Variants in ENPP1 observed in about 807,000 individuals in gnomAD.
ENPP1 encodes ectonucleotide pyrophosphatase/phosphodiesterase 1.
Under a neutral mutation model 122.8 loss-of-function variants are expected in ENPP1, and 73 were observed. The observed-to-expected ratio is 0.59, with a 90% CI of 0.49 to 0.72. ENPP1 has a LOEUF of 0.72. ENPP1 is among the 30% of genes least tolerant of loss of function. The pLI is 0.00. For synonymous variants in ENPP1, 367 were observed against 391.6 expected (o/e 0.94, Z 0.74); for missense variants, 978 against 1,128.1 (o/e 0.87, Z 1.91).
At chr6:131,848,419 C>A (rs12110564) in intron 2 of ENPP1, among the ~76,000 whole-genome samples, 2,695 of 152,120 alleles carry the variant, frequency 0.018, 97 homozygotes, top group African/African-American at 0.058. Context: ...AGTTCCCCCC[C>A]CATCCTCTCG....
intron 1 of ENPP1, among the ~76,000 whole-genome samples, chr6:131,817,751 C>CCACACA (rs1289636963): frequency 1.9e-5 from 1 of 53,952 alleles, no homozygotes; most frequent in East Asian, 6.2e-4. Context: ...TTCTCTCTCT[C>CCACACA]CATACACACA....
At chr6:131,830,104 C>A (rs1781592010) in intron 1 of ENPP1, among the ~76,000 whole-genome samples, 1 of 152,158 alleles carries the variant, frequency 6.6e-6, no homozygotes, top group East Asian at 1.9e-4. Context: ...TTGAGATCAG[C>A]ACCTGTGGAA....
At chr6:131,830,003 A>C (rs1287253412) in intron 1 of ENPP1, among the ~76,000 whole-genome samples, 1 of 152,202 alleles carries the variant, frequency 6.6e-6, no homozygotes, top group Non-Finnish European at 1.5e-5. Flanking sequence ...TTGGCGGATC[A>C]AAAGAAAAGG....
intron 1 of ENPP1, among the ~76,000 whole-genome samples, chr6:131,838,335 A>G (rs1480506537): frequency 6.6e-6 from 1 of 152,204 alleles, no homozygotes; most frequent in Non-Finnish European, 1.5e-5. Context: ...TTCAAAAACA[A>G]GAATAAACCA....
Position 131,852,253 on chromosome 6 carries a change from G to T in ENPP1, c.617+18G>T. On this transcript the variant is annotated intron_variant, in intron 5 of 24. Coordinates refer to ENST00000647893, the MANE Select transcript of ENPP1 (RefSeq NM_006208.3). ...CCAGCAGGGTAAGATTATATTCTGA[G>T]GTATTAATTTTTTCTTTTTTAGAAG... The T allele has an allele frequency of 1.9e-6, 3 of 1,552,476 alleles. No homozygotes were observed. The highest frequency in any genetic ancestry group is 1.8e-6 in the Non-Finnish European group (2 of 1,132,628).
chr6:131,871,521 C>A (rs1782161946), intron 13 of ENPP1, among the ~76,000 whole-genome samples: 1 of 152,190 alleles, frequency 6.6e-6, no homozygotes, highest in African/African-American at 2.4e-5. Flanking sequence ...CAACTCATTT[C>A]CCCTCTCTAG....
intron 1 of ENPP1, among the ~76,000 whole-genome samples, chr6:131,813,678 C>T (rs967984491): frequency 6.6e-6 from 1 of 152,148 alleles, no homozygotes; most frequent in African/African-American, 2.4e-5. Flanking sequence ...TTTTCGCGGT[C>T]TTATTTCTAT....
At chr6:131,887,460 T>G (rs1170390718) in intron 24 of ENPP1, among the ~76,000 whole-genome samples, 1 of 151,648 alleles carries the variant, frequency 6.6e-6, no homozygotes, top group Non-Finnish European at 1.5e-5. Context: ...TGGCATGATC[T>G]CGGCTCACCG....
chr6:131,846,853 A>C (rs908472474), intron 1 of ENPP1, among the ~76,000 whole-genome samples: 1 of 152,208 alleles, frequency 6.6e-6, no homozygotes, highest in Non-Finnish European at 1.5e-5. Context: ...TTTGTCTTCT[A>C]ACTCACAGAA....
chr6:131,814,772 C>A (rs1781395092), intron 1 of ENPP1, among the ~76,000 whole-genome samples: 1 of 152,124 alleles, frequency 6.6e-6, no homozygotes, highest in African/African-American at 2.4e-5. Flanking sequence ...TCTTAAGAGG[C>A]CAGAGAAGTG....
rs1293256202 is a variant in ENPP1 at position 131,860,418 on chromosome 6, A to G, written c.827A>G (p.Asp276Gly). 11 of 1,597,696 alleles carry G rather than the reference A, an allele frequency of 6.9e-6. No individual in the cohort carries two copies. Among genetic ancestry groups the G allele is most frequent in the Non-Finnish European group, 9.4e-6 (11 of 1,165,648 alleles). ...TATCCAGAATCTCATGGCATAATCG[A>G]CAATAAAATGTATGATCCCAAAATG... ...GLYPESHGII[D>G]NKMYDPKMNA... Residue 276 changes from aspartate to glycine, a missense_variant, in exon 8 of 25, where the codon GAC (aspartate) becomes GGC (glycine). Around this residue, in one of 3 missense-constraint regions of ENPP1, gnomAD observed 644 missense variants for 781.5 expected, o/e 0.82. Transcript: ENST00000647893.
rs143212574 is a variant in ENPP1 at position 131,830,898 on chromosome 6, C to T, written c.241-16878C>T. Among the ~76,000 whole-genome samples the T allele has an allele frequency of 2.5e-3, 374 of 151,876 alleles. 3 individuals carry two copies. The highest frequency in any genetic ancestry group is 8.8e-3 in the African/African-American group (363 of 41,452). On this transcript the variant is annotated intron_variant, in intron 1 of 24. Coordinates refer to ENST00000647893, the MANE Select transcript of ENPP1 (RefSeq NM_006208.3). ...GGCCGAGGTGGGTGGATTGCTTGAG[C>T]TCAGGAGTTCAAGACCAGCCGTGGC... is the stretch of plus-strand genomic sequence containing the variant.
chr6:131,861,159 A>G (rs1782018650), intron 8 of ENPP1, among the ~76,000 whole-genome samples: 1 of 152,168 alleles, frequency 6.6e-6, no homozygotes, highest in African/African-American at 2.4e-5. Context: ...TATCATATCT[A>G]TAATGTAGAT....
chr6:131,815,128 A>C (rs1302911319), intron 1 of ENPP1, among the ~76,000 whole-genome samples: 1 of 152,186 alleles, frequency 6.6e-6, no homozygotes, highest in African/African-American at 2.4e-5. Context: ...GAGATAGTGA[A>C]GGAACAGAAG....
At chr6:131,845,588 G>A (rs1781799779) in intron 1 of ENPP1, among the ~76,000 whole-genome samples, 1 of 151,438 alleles carries the variant, frequency 6.6e-6, no homozygotes, top group Admixed American at 6.6e-5. Flanking sequence ...CCCCCGAGCA[G>A]CAGGGATTAT....
At chr6:131,810,618 T>G (rs977319124) in intron 1 of ENPP1, among the ~76,000 whole-genome samples, 3 of 152,180 alleles carry the variant, frequency 2.0e-5, no homozygotes, top group Non-Finnish European at 4.4e-5. Flanking sequence ...TTCATAAAGC[T>G]GCAGAAACAG....
At chr6:131,889,562 C>A (rs1782435684) in intron 24 of ENPP1, among the ~76,000 whole-genome samples, 2 of 152,168 alleles carry the variant, frequency 1.3e-5, no homozygotes, top group African/African-American at 4.8e-5. Context: ...AGGACATGAT[C>A]TTTTATGGCT....
Position 131,890,703 on chromosome 6 carries a change from A to C in ENPP1, c.*192A>C. The C allele has an allele frequency of 1.6e-6, 1 of 614,634 alleles. No individual in the cohort carries two copies. Among genetic ancestry groups the C allele is most frequent in the Non-Finnish European group, 2.9e-6 (1 of 346,110 alleles). 38.1% of individuals were successfully genotyped at this position (614,634 alleles called of 1,614,324 possible). A position where few individuals can be genotyped will look rare whatever the true frequency, so the allele number is the denominator to read the frequency against. On this transcript the variant is annotated 3_prime_UTR_variant, in exon 25 of 25. Coordinates refer to ENST00000647893, the MANE Select transcript of ENPP1 (RefSeq NM_006208.3). The stretch of plus-strand genomic sequence containing the variant: ...GGAGAGTGTTCCTGTTGAATCTTGC[A>C]CATATTTGAATGTGTAAGCATTGTA...
At chr6:131,864,779 T>G in intron 10 of ENPP1, 87 bp from the exon 11 acceptor site, 1 of 941,302 alleles carries the variant, frequency 1.1e-6, no homozygotes, top group Non-Finnish European at 1.8e-6. Flanking sequence ...TTATAAAATT[T>G]AATCCCTATC....
Sources: allele counts gnomAD v4.1 joint callset (sites outside exome capture counted in the v4.1 genomes callset), GRCh38; gene constraint gnomAD v4.1.1; regional missense constraint gnomAD v4.1.1; transcripts MANE v1.5; gene names NCBI Gene and HGNC (gene_info 2026-07-23, HGNC 2026-07-21).